RNF169: variants seen among roughly 807,000 people sequenced by gnomAD.
RNF169 encodes the protein E3 ubiquitin-protein ligase RNF169.
Under a neutral mutation model 53.9 loss-of-function variants are expected in RNF169, and 24 were observed. The ratio of observed to expected loss-of-function variants is 0.45; its 90% confidence interval spans 0.32 to 0.63. The LOEUF (loss-of-function observed/expected upper bound fraction) is 0.63, where lower values mean the gene tolerates loss of function less well. RNF169 is among the 20% of genes least tolerant of loss of function. RNF169 has a pLI of 0.04. For synonymous variants in RNF169, 396 were observed against 363.5 expected (o/e 1.09, Z -1.02); for missense variants, 883 against 906.2 (o/e 0.97, Z 0.33).
intron 1 of RNF169, among the ~76,000 whole-genome samples, chr11:74,753,817 C>A (rs778362357): frequency 2.0e-5 from 3 of 152,222 alleles, no homozygotes; most frequent in Middle Eastern, 3.4e-3. Flanking sequence ...TTTGGTTGCA[C>A]TGGTGACATT....
chr11:74,812,872 C>T (rs963403519), intron 3 of RNF169, among the ~76,000 whole-genome samples: 9 of 152,156 alleles, frequency 5.9e-5, no homozygotes, highest in South Asian at 4.1e-4. Context: ...AACATTTAGG[C>T]CCTCAGTGTG....
rs1345194428 is a variant in RNF169 at position 74,749,022 on chromosome 11, TTGG to T, written c.145_147del (p.Val49del). ...AGGCCCGGCTTCTGGACCTTCGCTG[TTGG>T]TGTTGTCGCCGCCGTTGCTGCAGCC... On this transcript the variant is annotated inframe_deletion, in exon 1 of 6. Coordinates refer to ENST00000299563, the MANE Select transcript of RNF169 (RefSeq NM_001098638.2). 6.7e-6 allele frequency: 10 copies of T among 1,486,590 alleles called. No homozygotes were observed. The African/African-American group carries it at 1.0e-4, about 15-fold the overall frequency. 92.1% of individuals were successfully genotyped at this position (1,486,590 alleles called of 1,614,324 possible).
At chr11:74,790,770 C>T (rs971192993) in intron 2 of RNF169, among the ~76,000 whole-genome samples, 11 of 152,222 alleles carry the variant, frequency 7.2e-5, no homozygotes, top group African/African-American at 2.7e-4. Flanking sequence ...AAGTGGCTTC[C>T]ACTGCTGGCA....
rs2035560616 is a variant in RNF169, at chr11:74,790,216, A to G, written c.576+517A>G. 2.0e-5 allele frequency among the ~76,000 whole-genome samples: 3 copies of G among 152,294 alleles called. No individual in the cohort carries two copies. In the South Asian group the frequency reaches 6.2e-4, roughly 32 times the overall value. ...TATCATCTTATTTATGATGTTTTCA[A>G]ACTAATTGTCTGGGAATCACCTAGA... On this transcript the variant is annotated intron_variant, in intron 2 of 5. Coordinates refer to ENST00000299563, the MANE Select transcript of RNF169 (RefSeq NM_001098638.2).
At position 74,748,972 on chromosome 11, in the gene RNF169, C is replaced by G; in HGVS notation, c.92C>G (p.Thr31Arg). 1 of 1,480,072 alleles carries G rather than the reference C, an allele frequency of 6.8e-7. No homozygotes were observed. The highest frequency in any genetic ancestry group is 9.0e-7 in the Non-Finnish European group (1 of 1,106,336). 91.7% of individuals were successfully genotyped at this position (1,480,072 alleles called of 1,614,324 possible). A position where few individuals can be genotyped will look rare whatever the true frequency, so the allele number is the denominator to read the frequency against. Reference protein sequence around the residue: ...RRGRRGRCDETAAAKTGAPGP... With the variant: ...RRGRRGRCDERAAAKTGAPGP... ...GGCCGGCGGGGCCGCTGTGACGAGA[C>G]GGCGGCAGCTAAGACTGGGGCCCCA... The change falls in exon 1 of 6, where the codon ACG (threonine) becomes AGG (arginine). Residue 31 changes from threonine (T) to arginine (R), a missense_variant. This residue lies in a region of RNF169 where 313 missense variants were observed against 279.9 expected (regional missense o/e 1.12). Transcript: ENST00000299563.
In RNF169 at chr11:74,837,901, G is replaced by A. The variant is rs1478765397; in HGVS notation, c.*1171G>A. On this transcript the variant is annotated 3_prime_UTR_variant, in exon 6 of 6. Transcript: ENST00000299563. ...GGTGCTTGGTGCTTCTGCCCATCTG[G>A]GCTCATTGAGAATAGGGATGAAGAT... The A allele has an allele frequency of 1.3e-5, 2 of 152,106 alleles. No homozygotes were observed. The highest frequency in any genetic ancestry group is 4.8e-5 in the African/African-American group (2 of 41,396). The allele number at this position is 152,106 out of a possible 1,614,324, so 9.4% of individuals were successfully genotyped here.
intron 4 of RNF169, among the ~76,000 whole-genome samples, chr11:74,827,735 G>T (rs1364691251): frequency 6.6e-6 from 1 of 152,110 alleles, no homozygotes; most frequent in African/African-American, 2.4e-5. Flanking sequence ...AAAACCATAT[G>T]ATTATCTCAA....
intron 1 of RNF169, among the ~76,000 whole-genome samples, chr11:74,775,347 C>A (rs575886): frequency 0.34 from 52,232 of 151,876 alleles, 10,982 homozygotes; most frequent in African/African-American, 0.6. Flanking sequence ...GACAATTTTT[C>A]TTTTTCTTTT....
At chr11:74,801,923 G>T (rs889459859) in intron 2 of RNF169, among the ~76,000 whole-genome samples, 45 of 152,190 alleles carry the variant, frequency 3.0e-4, no homozygotes, top group African/African-American at 1.0e-3. Context: ...AGAACCGTTG[G>T]CCCAGAGATA....
At chr11:74,800,902 T>G (rs2035719584) in intron 2 of RNF169, among the ~76,000 whole-genome samples, 1 of 152,236 alleles carries the variant, frequency 6.6e-6, no homozygotes, top group African/African-American at 2.4e-5. Context: ...ATAATATATC[T>G]GCCGGTTCAA....
intron 4 of RNF169, among the ~76,000 whole-genome samples, chr11:74,824,104 T>C (rs1282917927): frequency 1.3e-5 from 2 of 152,168 alleles, no homozygotes; most frequent in East Asian, 3.8e-4. Context: ...TAATGGGGAC[T>C]TTAAATCATA....
At chr11:74,752,815 C>T (rs2034920752) in intron 1 of RNF169, among the ~76,000 whole-genome samples, 1 of 152,076 alleles carries the variant, frequency 6.6e-6, no homozygotes, top group Admixed American at 6.5e-5. Context: ...CATAATTAAC[C>T]ACCTATTGGT....
At chr11:74,794,606 A>T (rs2035621334) in intron 2 of RNF169, among the ~76,000 whole-genome samples, 1 of 152,178 alleles carries the variant, frequency 6.6e-6, no homozygotes, top group Admixed American at 6.5e-5. Context: ...CTGAAATAGG[A>T]TGGAGAAAAA....
intron 2 of RNF169, among the ~76,000 whole-genome samples, chr11:74,803,792 T>G (rs1408173907): frequency 6.6e-6 from 1 of 152,248 alleles, no homozygotes; most frequent in African/African-American, 2.4e-5. Context: ...TCAGTAATTA[T>G]GTTGATAAAC....
At chr11:74,804,112 A>G (rs2035771750) in intron 2 of RNF169, among the ~76,000 whole-genome samples, 1 of 152,120 alleles carries the variant, frequency 6.6e-6, no homozygotes, top group African/African-American at 2.4e-5. Flanking sequence ...TTTTTTCTGG[A>G]TACTCTGGTT....
intron 1 of RNF169, among the ~76,000 whole-genome samples, chr11:74,762,354 C>T (rs1037061307): frequency 1.4e-5 from 2 of 139,634 alleles, no homozygotes; most frequent in African/African-American, 2.8e-5. Flanking sequence ...TGAGGAACTG[C>T]GTTCCTTTGG....
At chr11:74,804,613 C>T (rs2035779454) in intron 2 of RNF169, among the ~76,000 whole-genome samples, 1 of 151,732 alleles carries the variant, frequency 6.6e-6, no homozygotes, top group South Asian at 2.1e-4. Flanking sequence ...GTATGTGTAG[C>T]TCTCATTTAT....
intron 2 of RNF169, among the ~76,000 whole-genome samples, chr11:74,803,307 G>C (rs942701503): frequency 6.6e-5 from 10 of 151,980 alleles, no homozygotes; most frequent in African/African-American, 2.2e-4. Flanking sequence ...GGATGATCTC[G>C]ATCTCCTGAC....
intron 4 of RNF169, among the ~76,000 whole-genome samples, chr11:74,822,311 A>G (rs1396586397): frequency 6.6e-6 from 1 of 152,190 alleles, no homozygotes. Flanking sequence ...TAAATCTTCT[A>G]GCTTTCCAGC....
Sources: allele counts gnomAD v4.1 joint callset (sites outside exome capture counted in the v4.1 genomes callset), GRCh38; gene constraint gnomAD v4.1.1; regional missense constraint gnomAD v4.1.1; transcripts MANE v1.5; gene names NCBI Gene and HGNC (gene_info 2026-07-23, HGNC 2026-07-21).